MMP26: variants seen among roughly 807,000 people sequenced by gnomAD.
MMP26 encodes the protein matrix metallopeptidase 26.
A neutral mutation model predicts 31.0 loss-of-function variants in MMP26; 33 were observed. The ratio of observed to expected loss-of-function variants is 1.06; its 90% CI spans 0.81 to 1.42. The LOEUF (loss-of-function observed/expected upper bound fraction) is 1.42, where lower values mean the gene tolerates loss of function less well. Among genes scored for constraint, MMP26 ranks in the 40% most tolerant of loss-of-function variants. The probability of loss-of-function intolerance (pLI) is 0.00; values close to 1 mark genes in which losing one functional copy is unlikely to be tolerated. For missense variants in MMP26, 347 were observed against 316.1 expected (o/e 1.10, Z -0.74); for synonymous variants, 122 against 114.9 (o/e 1.06, Z -0.40).
At position 4,943,308 on chromosome 11, in the gene MMP26, A is replaced by C. The variant is rs138546426; in HGVS notation, c.-144-44760A>C. ...TGTACACTTTCATGTGTGATTAATA[A>C]GTCTTTTAACATCTCTCAAGTGAAG... On this transcript the variant is annotated intron_variant, in intron 2 of 7. Transcript: ENST00000380390. The C allele has an allele frequency of 4.0e-3, 1,192 of 299,118 alleles. 9 individuals are homozygous for C. The highest frequency in any genetic ancestry group is 6.0e-3 in the Non-Finnish European group (897 of 149,744). 18.5% of individuals were successfully genotyped at this position (299,118 alleles called of 1,614,324 possible). A position where few individuals can be genotyped will look rare whatever the true frequency, so the allele number is the denominator to read the frequency against.
rs750784681 is a variant in MMP26 at position 4,769,022 on chromosome 11, T to C, written c.-145+1681T>C. ...ACTGAGCATAGCCTTGCGGATTTGT[T>C]TTGTTTTTACACTGTCGATGATGGG... On this transcript the variant is annotated intron_variant, in intron 2 of 7. Coordinates refer to ENST00000380390, the MANE Select transcript of MMP26 (RefSeq NM_021801.5). The C allele has an allele frequency of 1.3e-6, 2 of 1,521,026 alleles. No homozygotes were observed. Among genetic ancestry groups the C allele is most frequent in the Admixed American group, 4.4e-5 (2 of 45,586 alleles). 94.2% of individuals were successfully genotyped at this position (1,521,026 alleles called of 1,614,324 possible). A position where few individuals can be genotyped will look rare whatever the true frequency, so the allele number is the denominator to read the frequency against.
chr11:4,989,636 G>T lies in MMP26; in HGVS notation c.100-12G>T, dbSNP rs1344292828. Reference sequence around the variant, plus strand: ...TTGACTCTTAGTACTCATCCTTCTTGATCTGATTCAGGGCTATTTCCATCA... The same window carrying T: ...TTGACTCTTAGTACTCATCCTTCTTTATCTGATTCAGGGCTATTTCCATCA... On this transcript the variant is annotated splice_polypyrimidine_tract_variant and intron_variant, in intron 3 of 7. Coordinates refer to ENST00000380390, the MANE Select transcript of MMP26 (RefSeq NM_021801.5). 5.0e-6 allele frequency: 8 copies of T among 1,604,886 alleles called. No individual in the cohort carries two copies. The Admixed American group carries it at 1.3e-4, about 27-fold the overall frequency.
At chr11:4,979,322 T>TA (rs1846781752) in intron 2 of MMP26, among the ~76,000 whole-genome samples, 1 of 152,134 alleles carries the variant, frequency 6.6e-6, no homozygotes, top group African/African-American at 2.4e-5. Context: ...CCCAGGTTGG[T>TA]TATTTTAACA....
chr11:4,919,658 T>G (rs1310174888), intron 2 of MMP26, among the ~76,000 whole-genome samples: 1 of 152,164 alleles, frequency 6.6e-6, no homozygotes, highest in Non-Finnish European at 1.5e-5. Context: ...GTTTTATGTG[T>G]GATATGGCAT....
chr11:4,860,141 C>T (rs959426537), intron 2 of MMP26: 1 of 470,968 alleles, frequency 2.1e-6, no homozygotes, highest in African/African-American at 2.0e-5. Flanking sequence ...TTTCGAATAA[C>T]ATCGTGAGTG....
At chr11:4,740,499 T>C (rs929669103) in intron 1 of MMP26, among the ~76,000 whole-genome samples, 3 of 151,844 alleles carry the variant, frequency 2.0e-5, no homozygotes, top group Non-Finnish European at 4.4e-5. Context: ...CTGGCCAACA[T>C]AGTGAAACCT....
intron 2 of MMP26, among the ~76,000 whole-genome samples, chr11:4,815,271 T>C (rs1421287481): frequency 6.6e-6 from 1 of 152,190 alleles, no homozygotes; most frequent in Non-Finnish European, 1.5e-5. Context: ...AGGGATGGCT[T>C]CCAGTTCTGT....
intron 2 of MMP26, among the ~76,000 whole-genome samples, chr11:4,917,645 G>A (rs1377337143): frequency 1.3e-5 from 2 of 152,142 alleles, no homozygotes; most frequent in Admixed American, 6.6e-5. Context: ...GTGATCAGTG[G>A]TTACCACATT....
At chr11:4,960,204 A>G (rs1846501834) in intron 2 of MMP26, among the ~76,000 whole-genome samples, 1 of 152,220 alleles carries the variant, frequency 6.6e-6, no homozygotes, top group African/African-American at 2.4e-5. Flanking sequence ...CAATTGGCAC[A>G]TAGGAAGAAA....
intron 2 of MMP26, among the ~76,000 whole-genome samples, chr11:4,810,994 A>G (rs1849342190): frequency 6.6e-6 from 1 of 152,242 alleles, no homozygotes; most frequent in African/African-American, 2.4e-5. Context: ...TATCAGGTTT[A>G]CATCAATATG....
intron 2 of MMP26, among the ~76,000 whole-genome samples, chr11:4,917,451 A>G (rs1007471933): frequency 6.6e-6 from 1 of 152,230 alleles, no homozygotes; most frequent in Non-Finnish European, 1.5e-5. Context: ...ACAGGCCTTT[A>G]AAAGCATTGC....
At chr11:4,917,590 A>T (rs1851117170) in intron 2 of MMP26, among the ~76,000 whole-genome samples, 1 of 152,202 alleles carries the variant, frequency 6.6e-6, no homozygotes, top group African/African-American at 2.4e-5. Context: ...CCACCTGAAG[A>T]TCATATAGGC....
At chr11:4,746,848 C>T (rs955926362) in intron 1 of MMP26, among the ~76,000 whole-genome samples, 98 of 150,406 alleles carry the variant, frequency 6.5e-4, no homozygotes, top group African/African-American at 1.7e-3. Flanking sequence ...CACACACACA[C>T]ACACACACAC....
At chr11:4,891,843 T>G (rs771925865) in intron 2 of MMP26, among the ~76,000 whole-genome samples, 31 of 152,122 alleles carry the variant, frequency 2.0e-4, no homozygotes, top group African/African-American at 6.3e-4. Flanking sequence ...ATTGGAGACA[T>G]AGTATGTCAC....
intron 1 of MMP26, among the ~76,000 whole-genome samples, chr11:4,748,686 TA>T (rs962624984): frequency 4.3e-5 from 6 of 139,806 alleles, no homozygotes; most frequent in Admixed American, 6.7e-5. Flanking sequence ...AGACTTTTTT[TA>T]AAAAAAATAT....
At chr11:4,772,640 A>G (rs1848741455) in intron 2 of MMP26, among the ~76,000 whole-genome samples, 1 of 152,186 alleles carries the variant, frequency 6.6e-6, no homozygotes, top group African/African-American at 2.4e-5. Flanking sequence ...GTTTTCTTGC[A>G]TTAATACTTT....
At chr11:4,726,446 GA>G (rs1848101393) in intron 1 of MMP26, among the ~76,000 whole-genome samples, 1 of 151,554 alleles carries the variant, frequency 6.6e-6, no homozygotes, top group Non-Finnish European at 1.5e-5. Flanking sequence ...TGGGAGACAA[GA>G]GTGCAACTTC....
At chr11:4,768,440 A>G (rs141857042) in intron 2 of MMP26, among the ~76,000 whole-genome samples, 1 of 152,340 alleles carries the variant, frequency 6.6e-6, no homozygotes, top group Non-Finnish European at 1.5e-5. Context: ...AACCATGGAG[A>G]TCCAGGTCTT....
chr11:4,934,844 A>T (rs987792969), intron 2 of MMP26, among the ~76,000 whole-genome samples: 4 of 150,978 alleles, frequency 2.6e-5, no homozygotes, highest in African/African-American at 9.7e-5. Flanking sequence ...TCCTTTCCCC[A>T]TTGCTTGTTT....
Sources: allele counts gnomAD v4.1 joint callset (sites outside exome capture counted in the v4.1 genomes callset), GRCh38; gene constraint gnomAD v4.1.1; transcripts MANE v1.5; gene names NCBI Gene and HGNC (gene_info 2026-07-23, HGNC 2026-07-21).